CLEC20A: variants seen among roughly 807,000 people sequenced by gnomAD.
CLEC20A encodes the protein C-type lectin domain containing 20A.
chr1:178,494,405 T>G, intron 2 of CLEC20A, 49 bp downstream of exon 2: 1 of 399,658 alleles, frequency 2.5e-6, no homozygotes, highest in Non-Finnish European at 4.4e-6. Context: ...GGCAACAGAG[T>G]GAGGCCCCTG....
At chr1:178,493,193 G>A (rs896448288) in intron 2 of CLEC20A, among the ~76,000 whole-genome samples, 4 of 152,072 alleles carry the variant, frequency 2.6e-5, no homozygotes, top group East Asian at 3.9e-4. Context: ...TGTGGGGAGC[G>A]GGAGACAACG....
intron 7 of CLEC20A, chr1:178,482,012 A>G (rs1648998228): frequency 1.2e-5 from 3 of 246,662 alleles, no homozygotes. Context: ...CACAATGGAT[A>G]AGGGCAAAAC....
upstream of CLEC20A, among the ~76,000 whole-genome samples, chr1:178,498,169 G>A (rs140674617): frequency 6.6e-6 from 1 of 152,160 alleles, no homozygotes; most frequent in Non-Finnish European, 1.5e-5. Flanking sequence ...TCAAGCTTAG[G>A]TTGAATACTA....
upstream of CLEC20A, chr1:178,496,967 G>A: frequency 2.5e-6 from 1 of 400,042 alleles, no homozygotes; most frequent in Non-Finnish European, 4.4e-6. Flanking sequence ...GCGATGGCTG[G>A]GTGCTGGCTG....
chr1:178,491,972 C>T (rs929357812), intron 3 of CLEC20A, among the ~76,000 whole-genome samples: 4 of 152,040 alleles, frequency 2.6e-5, no homozygotes, highest in Admixed American at 1.3e-4. Context: ...GTCACCCTCC[C>T]CTCTGGGCCC....
chr1:178,482,215 T>G (rs1286328090), intron 7 of CLEC20A, 97 bp downstream of exon 7: 1 of 397,406 alleles, frequency 2.5e-6, no homozygotes, highest in African/African-American at 2.1e-5. Context: ...GAGGTCATAT[T>G]CCACAGGTTT....
chr1:178,486,645 C>T, intron 5 of CLEC20A: 2 of 398,644 alleles, frequency 5.0e-6, no homozygotes, highest in Non-Finnish European at 8.8e-6. Flanking sequence ...GTGCTGCTAT[C>T]CTGGGAGTAG....
In CLEC20A at chr1:178,488,543, G is replaced by A. The variant is rs577291909; in HGVS notation, c.886C>T (p.Pro296Ser). ...GTTGTTTCCTCTGTCATTTCTGTGGGGGAAGTGTGGAAGAGTGGAGGCAAC... is the reference window on the plus strand; with the variant it reads ...GTTGTTTCCTCTGTCATTTCTGTGGAGGAAGTGTGGAAGAGTGGAGGCAAC... Residue 296 changes from proline (P) to serine (S), a missense_variant, in exon 5 of 8, where the codon CCC becomes TCC. Pro to Ser is a moderately conservative substitution (Grantham distance 74). Transcript: ENST00000623247. The A allele has an allele frequency of 5.5e-5, 22 of 398,836 alleles. No individual in the cohort carries two copies. The Admixed American group carries it at 8.8e-4, about 16-fold the overall frequency. The allele number at this position is 398,836 out of a possible 1,614,324, so 24.7% of individuals were successfully genotyped here. A position where few individuals can be genotyped will look rare whatever the true frequency, so the allele number is the denominator to read the frequency against.
chr1:178,492,708 A>G (rs1468222036), intron 2 of CLEC20A, 142 bp from the exon 3 acceptor site: 2 of 396,756 alleles, frequency 5.0e-6, no homozygotes, highest in Non-Finnish European at 8.9e-6. Flanking sequence ...AATCCATTCA[A>G]TAAATACTGG....
At chr1:178,496,949 C>T, upstream of CLEC20A, 2 of 400,152 alleles carry the variant, frequency 5.0e-6, no homozygotes, top group Non-Finnish European at 8.8e-6. Context: ...TGGCTGGGCA[C>T]TGGCTGGGCG....
chr1:178,491,022 C>G (rs1649255203), intron 3 of CLEC20A, among the ~76,000 whole-genome samples: 1 of 152,194 alleles, frequency 6.6e-6, no homozygotes, highest in Non-Finnish European at 1.5e-5. Context: ...AAGAGGCCAG[C>G]CTGGAGGGAT....
chr1:178,486,514 G>A (rs1020555750), intron 5 of CLEC20A: 1 of 398,786 alleles, frequency 2.5e-6, no homozygotes, highest in Admixed American at 4.4e-5. Flanking sequence ...GGGTGCAGTT[G>A]TCCTCTGGGT....
chr1:178,493,283 G>A (rs1649307416), intron 2 of CLEC20A, among the ~76,000 whole-genome samples: 1 of 152,150 alleles, frequency 6.6e-6, no homozygotes, highest in African/African-American at 2.4e-5. Context: ...TACTCCCTTG[G>A]GAACCCAGCA....
intron 4 of CLEC20A, among the ~76,000 whole-genome samples, chr1:178,489,687 T>C (rs1354278258): frequency 1.3e-5 from 2 of 152,152 alleles, no homozygotes; most frequent in South Asian, 2.1e-4. Flanking sequence ...GTGCCACCAA[T>C]TCATTTTGTT....
chr1:178,484,259 G>A (rs1649075356), intron 5 of CLEC20A: 1 of 152,168 alleles, frequency 6.6e-6, no homozygotes, highest in African/African-American at 2.4e-5. Context: ...TGTTAAAACT[G>A]ACACAAATTC....
At chr1:178,478,792 G>A (rs1434216091), downstream of CLEC20A, 3 of 152,122 alleles carry the variant, frequency 2.0e-5, no homozygotes, top group East Asian at 1.9e-4. Context: ...ATATAGATAC[G>A]TTTGAGGTCT....
chr1:178,493,599 T>A (rs1181846011), intron 2 of CLEC20A: 2 of 152,334 alleles, frequency 1.3e-5, no homozygotes, highest in Non-Finnish European at 2.9e-5. Flanking sequence ...GGGCTGCTGT[T>A]CTCCAACAGC....
In CLEC20A at chr1:178,492,868, G is replaced by T. The variant is rs116485730; in HGVS notation, c.398-302C>A. Among the ~76,000 whole-genome samples the T allele has an allele frequency of 2.8e-3, 426 of 152,328 alleles. 1 individual carries two copies. Among genetic ancestry groups the T allele is most frequent in the African/African-American group, 9.8e-3 (409 of 41,586 alleles). On this transcript the variant is annotated intron_variant, in intron 2 of 7. Transcript: ENST00000623247. ...CTGCCCAAGCACAGCCACGACAAAGGTTCTGCAGTGAGAAGGAGCCAAAGG... is the reference window on the plus strand; with the variant it reads ...CTGCCCAAGCACAGCCACGACAAAGTTTCTGCAGTGAGAAGGAGCCAAAGG...
At chr1:178,490,700 T>C (rs1470029599) in intron 3 of CLEC20A, among the ~76,000 whole-genome samples, 1 of 152,136 alleles carries the variant, frequency 6.6e-6, no homozygotes, top group East Asian at 1.9e-4. Flanking sequence ...GCCTCACAAG[T>C]TCAGTTTAAG....
Sources: allele counts gnomAD v4.1 joint callset (sites outside exome capture counted in the v4.1 genomes callset), GRCh38; gene constraint gnomAD v4.1.1; transcripts MANE v1.5; gene names NCBI Gene and HGNC (gene_info 2026-07-23, HGNC 2026-07-21).